RARS1: variants seen among roughly 807,000 people sequenced by gnomAD.
RARS1 encodes the protein arginine--tRNA ligase, cytoplasmic.
In RARS1, 75 loss-of-function variants were observed where a neutral mutation model predicts 78.7. The ratio of observed to expected loss-of-function variants is 0.95; its 90% confidence interval spans 0.79 to 1.15. RARS1 has a LOEUF of 1.15. RARS1 is among the 50% of genes most tolerant of loss of function. The probability of loss-of-function intolerance (pLI) is 0.00; values close to 1 mark genes in which losing one functional copy is unlikely to be tolerated. For missense variants in RARS1, 787 were observed against 787.5 expected (o/e 1.00, Z 0.01); for synonymous variants, 273 against 268.2 (o/e 1.02, Z -0.18).
chr5:168,516,893 T>C lies in RARS1; in HGVS notation c.1568T>C (p.Met523Thr). The C allele has an allele frequency of 6.2e-7, 1 of 1,614,174 alleles. No individual in the cohort carries two copies. The highest frequency in any genetic ancestry group is 8.5e-7 in the Non-Finnish European group (1 of 1,179,998). The change falls in exon 13 of 15, where the codon ATG becomes ACG. Residue 523 changes from methionine (M) to threonine (T), a missense_variant. Coordinates refer to ENST00000231572, the MANE Select transcript of RARS1 (RefSeq NM_002887.4). Reference sequence around the variant, plus strand: ...GACTACATCTTCTCCTTTGACAAAATGCTAGATGACAGAGGAAATACAGCT... The same window carrying C: ...GACTACATCTTCTCCTTTGACAAAACGCTAGATGACAGAGGAAATACAGCT... ...LNDYIFSFDK[M>T]LDDRGNTAAY...
At chr5:168,508,972 C>G (rs1350187550) in intron 11 of RARS1, among the ~76,000 whole-genome samples, 1 of 151,724 alleles carries the variant, frequency 6.6e-6, no homozygotes, top group Non-Finnish European at 1.5e-5. Flanking sequence ...CTTATTAGGT[C>G]TAAAGGGGGT....
chr5:168,488,117 A>T, intron 1 of RARS1: 1 of 362,536 alleles, frequency 2.8e-6, no homozygotes, highest in Non-Finnish European at 5.4e-6. Flanking sequence ...TGTGTGGTTA[A>T]TATATTCTTT....
chr5:168,502,403 A>G (rs1758349318), intron 9 of RARS1, among the ~76,000 whole-genome samples: 1 of 139,720 alleles, frequency 7.2e-6, no homozygotes, highest in African/African-American at 2.8e-5. Flanking sequence ...TTTTAAAACA[A>G]TCTTGCTATG....
intron 11 of RARS1, among the ~76,000 whole-genome samples, 174 bp from the exon 12 acceptor site, chr5:168,510,407 A>G (rs948692261): frequency 3.9e-5 from 6 of 152,310 alleles, no homozygotes; most frequent in African/African-American, 1.4e-4. Context: ...GGCATAAGGC[A>G]TTGTTACCAT....
At chr5:168,496,962 A>G (rs1055296204) in intron 6 of RARS1, 5 of 303,486 alleles carry the variant, frequency 1.6e-5, no homozygotes, top group East Asian at 5.3e-5. Flanking sequence ...ACTGACAGAA[A>G]ACACATTCAT....
In RARS1 at chr5:168,502,028, A is replaced by G; in HGVS notation, c.980A>G (p.Asp327Gly). ...TTAAATAAAATCTATGATGCATTGG[A>G]CGTCTCTTTAATAGAGAGAGGGGAA... ...QELNKIYDAL[D>G]VSLIERGESF... The change falls in exon 9 of 15, where the codon GAC (aspartate) becomes GGC (glycine). Residue 327 changes from aspartate (D) to glycine (G), a missense_variant. Transcript: ENST00000231572. The G allele has an allele frequency of 6.3e-7, 1 of 1,597,312 alleles. No homozygotes were observed.
At chr5:168,505,094 G>A (rs1221242381) in intron 9 of RARS1, among the ~76,000 whole-genome samples, 2 of 152,192 alleles carry the variant, frequency 1.3e-5, no homozygotes, top group South Asian at 2.1e-4. Context: ...TAAGCGATAC[G>A]TCTGAGATTC....
intron 2 of RARS1, among the ~76,000 whole-genome samples, chr5:168,491,889 C>T (rs1758093172): frequency 6.9e-6 from 1 of 144,706 alleles, no homozygotes; most frequent in African/African-American, 2.5e-5. Flanking sequence ...AATTGACAAA[C>T]ATAAAGGTGT....
chr5:168,488,459 G>A (rs998401013), intron 1 of RARS1, 143 bp from the exon 2 acceptor site: 22 of 961,558 alleles, frequency 2.3e-5, no homozygotes, highest in African/African-American at 6.6e-5. Context: ...ATATGCTAAC[G>A]TCAGCAAAAA....
At position 168,506,847 on chromosome 5, in the gene RARS1, C is replaced by G; in HGVS notation, c.1346+16C>G. 1 of 1,558,596 alleles carries G rather than the reference C, an allele frequency of 6.4e-7. No individual in the cohort carries two copies. Among genetic ancestry groups the G allele is most frequent in the East Asian group, 2.2e-5 (1 of 44,592 alleles). On this transcript the variant is annotated intron_variant, in intron 11 of 14. Transcript: ENST00000231572. ...GGGAAGACAAGTAAGTCTGGAAAAT[C>G]TGAAGATGGTAATGATATACTTGAT...
At chr5:168,508,655 G>A (rs1197328574) in intron 11 of RARS1, among the ~76,000 whole-genome samples, 1 of 151,314 alleles carries the variant, frequency 6.6e-6, no homozygotes, top group African/African-American at 2.4e-5. Flanking sequence ...TTCTCACAGA[G>A]GGGGATGGGA....
At chr5:168,495,722 A>G (rs1425228988) in intron 6 of RARS1, among the ~76,000 whole-genome samples, 2 of 152,208 alleles carry the variant, frequency 1.3e-5, no homozygotes, top group Non-Finnish European at 2.9e-5. Context: ...ATGGGTTTAT[A>G]TCCTAGCAGG....
chr5:168,494,288 GTTT>G (rs1404843280), intron 4 of RARS1: 1 of 985,310 alleles, frequency 1.0e-6, no homozygotes, highest in African/African-American at 1.7e-5. Context: ...AGGGCCTTCT[GTTT>G]TCTGTTAAGA....
intron 5 of RARS1, 23 bp downstream of exon 5, chr5:168,494,673 A>C: frequency 1.4e-6 from 2 of 1,444,588 alleles, no homozygotes; most frequent in Non-Finnish European, 1.9e-6. Flanking sequence ...TCTTCTATTA[A>C]TATATTAGTA....
At position 168,506,320 on chromosome 5, in the gene RARS1, C is replaced by T; in HGVS notation, c.1236+121C>T. 3.6e-6 allele frequency: 3 copies of T among 832,986 alleles called. 1 individual carries two copies. In the South Asian group the frequency reaches 5.8e-5, roughly 16 times the overall value. The allele number at this position is 832,986 out of a possible 1,614,324, so 51.6% of individuals were successfully genotyped here. On this transcript the variant is annotated intron_variant, in intron 10 of 14. Coordinates refer to ENST00000231572, the MANE Select transcript of RARS1 (RefSeq NM_002887.4). ...TTTCCCCAAAGACTAAGATTCAGGA[C>T]ATCAGTATAGCATAGAAGAAAGAAG...
intron 11 of RARS1, among the ~76,000 whole-genome samples, chr5:168,507,297 A>T (rs760740990): frequency 1.4e-4 from 22 of 152,208 alleles, no homozygotes; most frequent in Middle Eastern, 3.2e-3. Context: ...TTTATTGAGA[A>T]CTATGTATTT....
chr5:168,508,389 G>A (rs762123529), intron 11 of RARS1, among the ~76,000 whole-genome samples: 42 of 151,160 alleles, frequency 2.8e-4, no homozygotes, highest in Non-Finnish European at 4.9e-4. Flanking sequence ...TTGGGAGGCC[G>A]AGGCAGGTGG....
At chr5:168,492,941 C>T in intron 3 of RARS1, 94 bp downstream of exon 3, 2 of 1,166,360 alleles carry the variant, frequency 1.7e-6, no homozygotes, top group Non-Finnish European at 2.4e-6. Context: ...CAAGTTGTAT[C>T]CTTAGTGAAA....
At chr5:168,489,753 G>T (rs538478651) in intron 2 of RARS1, among the ~76,000 whole-genome samples, 14 of 151,066 alleles carry the variant, frequency 9.3e-5, no homozygotes, top group African/African-American at 3.2e-4. Flanking sequence ...AAAGCTGATT[G>T]ATCCATTTAC....
Sources: gnomAD v4.1 joint callset for allele counts (sites outside exome capture counted in the v4.1 genomes callset) on GRCh38, gnomAD v4.1.1 for gene constraint, MANE v1.5 for transcripts, NCBI Gene and HGNC (gene_info 2026-07-23, HGNC 2026-07-21) for gene names.